Variants in NRG2 observed in about 807,000 individuals in gnomAD.
NRG2 encodes neuregulin 2, also known as pro-neuregulin-2, membrane-bound isoform.
Under a neutral mutation model 73.9 loss-of-function variants are expected in NRG2, and 27 were observed. The observed-to-expected ratio is 0.37, with a 90% confidence interval of 0.27 to 0.50. The LOEUF (loss-of-function observed/expected upper bound fraction) is 0.50. NRG2 is among the 20% of genes least tolerant of loss of function. The pLI is 0.96. For synonymous variants in NRG2, 532 were observed against 541.0 expected, an observed-to-expected ratio of 0.98 and a Z score of 0.23; for missense variants, 1,126 against 1,210.1, an observed-to-expected ratio of 0.93 and a Z score of 1.03.
At chr5:140,004,002 ACT>A (rs1201088050) in intron 1 of NRG2, among the ~76,000 whole-genome samples, 1 of 152,138 alleles carries the variant, frequency 6.6e-6, no homozygotes, top group African/African-American at 2.4e-5. Flanking sequence ...CTTTAAATAA[ACT>A]AAGTAATTTT....
At chr5:140,026,479 C>A (rs953031987) in intron 1 of NRG2, among the ~76,000 whole-genome samples, 2 of 152,100 alleles carry the variant, frequency 1.3e-5, no homozygotes, top group Non-Finnish European at 2.9e-5. Flanking sequence ...CACATGACTG[C>A]AGGCCCAGCT....
At chr5:140,009,910 C>G (rs1355260046) in intron 1 of NRG2, among the ~76,000 whole-genome samples, 1 of 152,142 alleles carries the variant, frequency 6.6e-6, no homozygotes, top group Non-Finnish European at 1.5e-5. Context: ...AAAGGCCAAA[C>G]TATGAAAACT....
rs184430049 is a variant in NRG2 at position 139,853,266 on chromosome 5, A to G, written c.1293-239T>C. 1.1e-4 allele frequency among the ~76,000 whole-genome samples: 17 copies of G among 152,298 alleles called. No individual in the cohort carries two copies. The highest frequency in any genetic ancestry group is 9.2e-4 in the Admixed American group (14 of 15,294). On this transcript the variant is annotated intron_variant, in intron 6 of 9. Transcript: ENST00000361474. The surrounding 1 kb of genome is among the most constrained non-coding windows in gnomAD (Gnocchi z 4.1). The stretch of plus-strand genomic sequence containing the variant: ...AGTAGAACTTCACTGCTTTCTAGCT[A>G]TGCAACCCCGGGCAAGTTACTTAAG...
rs578046382 is a variant in NRG2 at position 139,847,235 on chromosome 5, G to C, written c.*682C>G. 68 of 152,396 alleles carry C rather than the reference G, an allele frequency of 4.5e-4. No homozygotes were observed. The highest frequency in any genetic ancestry group is 1.6e-3 in the African/African-American group (66 of 41,556). The allele number at this position is 152,396 out of a possible 1,614,324, so 9.4% of individuals were successfully genotyped here. A position where few individuals can be genotyped will look rare whatever the true frequency, so the allele number is the denominator to read the frequency against. Reference sequence around the variant, plus strand: ...CCGCCAACATTGGGCCCCTGGCAGAGCTGCCACCTCCCTGGGCTCAGGCTC... The same window carrying C: ...CCGCCAACATTGGGCCCCTGGCAGACCTGCCACCTCCCTGGGCTCAGGCTC... On this transcript the variant is annotated 3_prime_UTR_variant, in exon 10 of 10. Transcript: ENST00000361474.
chr5:139,948,324 G>C (rs1457290318), intron 1 of NRG2, among the ~76,000 whole-genome samples: 1 of 152,068 alleles, frequency 6.6e-6, no homozygotes, highest in Non-Finnish European at 1.5e-5. Context: ...CAACCTCTTG[G>C]CTCCCACATA....
chr5:139,849,959 T>A (rs1761302577), intron 9 of NRG2, among the ~76,000 whole-genome samples: 2 of 152,216 alleles, frequency 1.3e-5, no homozygotes, highest in African/African-American at 4.8e-5. Context: ...TGGCCTCAGC[T>A]TGCCTGTTCA....
chr5:139,938,888 GAAAGAAAGAAAGAAAGAAAA>G (rs1561693726), intron 1 of NRG2, among the ~76,000 whole-genome samples: 122 of 67,612 alleles, frequency 1.8e-3, no homozygotes, highest in Middle Eastern at 0.016. Flanking sequence ...GAGAAGGAAA[GAAAGAAAGAAAGAAAGAAAA>G]GAAAGAAAGA....
At chr5:140,000,075 C>T (rs972914664) in intron 1 of NRG2, among the ~76,000 whole-genome samples, 1 of 152,150 alleles carries the variant, frequency 6.6e-6, no homozygotes, top group Non-Finnish European at 1.5e-5. Context: ...CAACATTTGT[C>T]TCTTCTACAC....
At chr5:140,041,902 C>A (rs955793303) in intron 1 of NRG2, among the ~76,000 whole-genome samples, 1 of 152,102 alleles carries the variant, frequency 6.6e-6, no homozygotes, top group Non-Finnish European at 1.5e-5. Context: ...AACTTGTAAG[C>A]GGAGGCCTTC....
intron 1 of NRG2, among the ~76,000 whole-genome samples, chr5:139,970,083 A>C (rs1228811296): frequency 6.6e-6 from 1 of 152,230 alleles, no homozygotes; most frequent in Non-Finnish European, 1.5e-5. Context: ...TACAGAAAAA[A>C]GATGTCTGAC....
At chr5:139,974,238 A>T (rs1756204124) in intron 1 of NRG2, among the ~76,000 whole-genome samples, 2 of 151,876 alleles carry the variant, frequency 1.3e-5, no homozygotes, top group African/African-American at 4.8e-5. Context: ...TTTCCTCCTC[A>T]CCGAGAAAAT....
chr5:139,904,501 G>A lies in NRG2; in HGVS notation c.701-16990C>T. On this transcript the variant is annotated intron_variant, in intron 1 of 9. Transcript: ENST00000361474. This position sits in a 1 kb window ranked among gnomAD's most constrained non-coding sequence, Gnocchi z 6.0. ...GCCCGAGCGCGGCGCCTTTCTTATAGGCGGTCACACCCTCCGGGGGAGGGG... is the reference window on the plus strand; with the variant it reads ...GCCCGAGCGCGGCGCCTTTCTTATAAGCGGTCACACCCTCCGGGGGAGGGG... 1 of 615,238 alleles carries A rather than the reference G, an allele frequency of 1.6e-6. No homozygotes were observed. The highest frequency in any genetic ancestry group is 2.7e-6 in the Non-Finnish European group (1 of 363,990). The allele number at this position is 615,238 out of a possible 1,614,324, so 38.1% of individuals were successfully genotyped here.
At position 139,961,927 on chromosome 5, in the gene NRG2, C is replaced by A. The variant is rs75317071; in HGVS notation, c.701-74416G>T. ...CTCAATCCCAGTATAATGTGGGGGC[C>A]GAGGCAGCCCCATGCAAATGCCCCC... On this transcript the variant is annotated intron_variant, in intron 1 of 9. Transcript: ENST00000361474. 3.9e-3 allele frequency among the ~76,000 whole-genome samples: 597 copies of A among 152,278 alleles called. 3 individuals are homozygous for A. Among genetic ancestry groups the A allele is most frequent in the African/African-American group, 0.013 (559 of 41,566 alleles).
intron 1 of NRG2, among the ~76,000 whole-genome samples, chr5:139,973,537 T>G (rs1007352481): frequency 6.6e-6 from 1 of 152,126 alleles, no homozygotes; most frequent in Non-Finnish European, 1.5e-5. Flanking sequence ...AATTTTTGTG[T>G]TTTTTGTAGA....
At chr5:139,878,615 A>G (rs1763333084) in intron 3 of NRG2, among the ~76,000 whole-genome samples, 1 of 152,206 alleles carries the variant, frequency 6.6e-6, no homozygotes, top group Admixed American at 6.5e-5. Flanking sequence ...CCACCTCTGA[A>G]CTTACCAGTT....
intron 1 of NRG2, among the ~76,000 whole-genome samples, chr5:139,979,570 T>A (rs1489909787): frequency 6.6e-6 from 1 of 152,230 alleles, no homozygotes; most frequent in African/African-American, 2.4e-5. Context: ...AATGATGGGA[T>A]GTCATGTTGC....
chr5:139,969,559 G>C (rs1192806747), intron 1 of NRG2, among the ~76,000 whole-genome samples: 2 of 152,180 alleles, frequency 1.3e-5, no homozygotes, highest in Non-Finnish European at 2.9e-5. Flanking sequence ...TTTTGTACAG[G>C]GATCTTAGTG....
At position 140,008,012 on chromosome 5, in the gene NRG2, A is replaced by G. The variant is rs1759048067; in HGVS notation, c.700+34358T>C. 6.6e-6 allele frequency among the ~76,000 whole-genome samples: 1 copy of G among 152,174 alleles called. No individual in the cohort carries two copies. Among genetic ancestry groups the G allele is most frequent in the Admixed American group, 6.5e-5 (1 of 15,278 alleles). ...CATCTCAGTCACCAGGAAGTCTGAT[A>G]CTGTGAGACCCACAGCCGCCAGTCC... On this transcript the variant is annotated intron_variant, in intron 1 of 9. Coordinates refer to ENST00000361474, the MANE Select transcript of NRG2 (RefSeq NM_004883.3). This position sits in a 1 kb window ranked among gnomAD's most constrained non-coding sequence, Gnocchi z 4.2.
At position 139,904,576 on chromosome 5, in the gene NRG2, C is replaced by G. The variant is rs975711375; in HGVS notation, c.701-17065G>C. Among the ~76,000 whole-genome samples the G allele has an allele frequency of 3.9e-5, 6 of 152,086 alleles. No homozygotes were observed. The highest frequency in any genetic ancestry group is 3.9e-4 in the East Asian group (2 of 5,134). On this transcript the variant is annotated intron_variant, in intron 1 of 9. Coordinates refer to ENST00000361474, the MANE Select transcript of NRG2 (RefSeq NM_004883.3). The surrounding 1 kb of genome is among the most constrained non-coding windows in gnomAD (Gnocchi z 6.0). ...TCCCGCGCCCTCCACCCTCGCCCCCCCTCCACCGGCTCGGGCCGCGGGGGC... is the reference window on the plus strand; with the variant it reads ...TCCCGCGCCCTCCACCCTCGCCCCCGCTCCACCGGCTCGGGCCGCGGGGGC...
Sources: allele counts gnomAD v4.1 joint callset (sites outside exome capture counted in the v4.1 genomes callset), GRCh38; gene constraint gnomAD v4.1.1; non-coding constraint Gnocchi (gnomAD v3.1); transcripts MANE v1.5; gene names NCBI Gene and HGNC (gene_info 2026-07-23, HGNC 2026-07-21).